Variants in MTDH observed in about 807,000 individuals in gnomAD.
MTDH encodes the protein protein LYRIC.
MTDH carries 34 observed loss-of-function variants against 72.7 expected under a neutral mutation model. The observed-to-expected ratio is 0.47, with a 90% confidence interval of 0.36 to 0.62. The LOEUF is 0.62. Among genes scored for constraint, MTDH ranks in the 20% least tolerant of loss-of-function variants. The pLI, the probability that MTDH is intolerant of heterozygous loss-of-function variation, is 0.00. For synonymous variants in MTDH, 266 were observed against 268.9 expected (o/e 0.99, Z 0.10); for missense variants, 677 against 699.4 (o/e 0.97, Z 0.36).
At chr8:97,673,492 C>T (rs1214787514) in intron 2 of MTDH, among the ~76,000 whole-genome samples, 3 of 152,106 alleles carry the variant, frequency 2.0e-5, no homozygotes, top group Admixed American at 6.6e-5. Context: ...AACCCTGTCT[C>T]TACTAAAAAT....
At position 97,699,759 on chromosome 8, in the gene MTDH, A is replaced by G. The variant is rs756601591; in HGVS notation, c.1054A>G (p.Thr352Ala). The G allele has an allele frequency of 5.6e-6, 9 of 1,605,846 alleles. No homozygotes were observed. The highest frequency in any genetic ancestry group is 2.2e-5 in the South Asian group (2 of 90,850). Residue 352 changes from threonine (T) to alanine (A), a missense_variant, in exon 7 of 12, where the codon ACT becomes GCT. Physicochemically the swap from Thr to Ala is moderately conservative, Grantham distance 58 (BLOSUM62 0). Coordinates refer to ENST00000336273, the MANE Select transcript of MTDH (RefSeq NM_178812.4). ...GCATTCGTTTTTCATTTAAGGGTCT[A>G]CTGCTGAGCCAGTTTCTCAGTCTAC... ...DRSIFSGIGS[T>A]AEPVSQSTTS...
intron 2 of MTDH, among the ~76,000 whole-genome samples, chr8:97,677,749 A>G (rs1812914876): frequency 6.6e-6 from 1 of 152,198 alleles, no homozygotes; most frequent in East Asian, 1.9e-4. Context: ...AAACTATTCT[A>G]ATTTAGCAAG....
chr8:97,729,510 C>T lies in MTDH; in HGVS notation c.*4840C>T, dbSNP rs948040386. Reference sequence around the variant, plus strand: ...GGATAATGGGCACCTCTAACAGTGTCTGTCAGAGTTGACATACATTGTGTA... The same window carrying T: ...GGATAATGGGCACCTCTAACAGTGTTTGTCAGAGTTGACATACATTGTGTA... On this transcript the variant is annotated 3_prime_UTR_variant, in exon 12 of 12. Coordinates refer to ENST00000336273, the MANE Select transcript of MTDH (RefSeq NM_178812.4). Among the ~76,000 whole-genome samples, 6 of 152,172 alleles carry T rather than the reference C, an allele frequency of 3.9e-5. No individual in the cohort carries two copies. Among genetic ancestry groups the T allele is most frequent in the Non-Finnish European group, 5.9e-5 (4 of 68,032 alleles).
At chr8:97,682,848 A>G (rs981122680) in intron 2 of MTDH, among the ~76,000 whole-genome samples, 22 of 151,830 alleles carry the variant, frequency 1.4e-4, no homozygotes, top group Admixed American at 5.9e-4. Flanking sequence ...GGTTAGTAGG[A>G]ATTTTTGTCC....
intron 1 of MTDH, among the ~76,000 whole-genome samples, chr8:97,652,699 C>T (rs1811820307): frequency 1.3e-5 from 2 of 152,146 alleles, no homozygotes; most frequent in South Asian, 4.1e-4. Context: ...ATAAATTTAT[C>T]TCTTAATATA....
intron 4 of MTDH, among the ~76,000 whole-genome samples, 169 bp from the exon 5 acceptor site, chr8:97,688,869 A>C (rs928052919): frequency 3.3e-5 from 5 of 152,234 alleles, no homozygotes; most frequent in African/African-American, 9.6e-5. Context: ...TTCCTTACCA[A>C]CAAGTGAAAT....
Position 97,719,170 on chromosome 8 carries a change from T to C in MTDH, c.1502T>C (p.Val501Ala), listed in dbSNP as rs1299882280. The C allele has an allele frequency of 1.2e-6, 2 of 1,611,590 alleles. No homozygotes were observed. The highest frequency in any genetic ancestry group is 4.5e-5 in the East Asian group (2 of 44,886). The change falls in exon 10 of 12, where the codon GTA becomes GCA. Residue 501 changes from valine to alanine, a missense_variant. Transcript: ENST00000336273. Reference protein sequence around the residue: ...KTISTSDPAEVLVKNSQPIKT... With the variant: ...KTISTSDPAEALVKNSQPIKT... The stretch of plus-strand genomic sequence containing the variant: ...ATAAGCACTAGTGATCCAGCCGAAG[T>C]ACTCGTCAAAAATAGCCAGGTAATT...
Position 97,644,483 on chromosome 8 carries a change from C to A in MTDH, c.-24C>A, listed in dbSNP as rs777502301. Reference sequence around the variant, plus strand: ...GTCTCCGCGCCCCGGCGTCATCCTGCGAGTCCCTCTGACGGGAGGGAAGAT... The same window carrying A: ...GTCTCCGCGCCCCGGCGTCATCCTGAGAGTCCCTCTGACGGGAGGGAAGAT... On this transcript the variant is annotated 5_prime_UTR_variant, in exon 1 of 12. Coordinates refer to ENST00000336273, the MANE Select transcript of MTDH (RefSeq NM_178812.4). The A allele has an allele frequency of 4.5e-6, 7 of 1,547,488 alleles. No homozygotes were observed. The South Asian group carries it at 8.3e-5, about 18-fold the overall frequency.
chr8:97,663,703 C>G (rs910212280), intron 2 of MTDH, among the ~76,000 whole-genome samples: 2 of 141,756 alleles, frequency 1.4e-5, no homozygotes, highest in Admixed American at 1.5e-4. Context: ...AAGTGGAGAT[C>G]GCGCCACTGC....
Position 97,690,934 on chromosome 8 carries a change from C to G in MTDH, c.812-18C>G, listed in dbSNP as rs1813580801. ...AGTCATGTACCTGTTTTTTAATATT[C>G]ATTTTCTTTTCTTTAAGTTTCTTCA... On this transcript the variant is annotated intron_variant, in intron 5 of 11. Transcript: ENST00000336273. 6.4e-7 allele frequency: 1 copy of G among 1,552,058 alleles called. No individual in the cohort carries two copies. Among genetic ancestry groups the G allele is most frequent in the Admixed American group, 1.9e-5 (1 of 53,486 alleles).
intron 1 of MTDH, among the ~76,000 whole-genome samples, chr8:97,645,989 T>C (rs1811550649): frequency 6.6e-6 from 1 of 152,148 alleles, no homozygotes; most frequent in Admixed American, 6.5e-5. Context: ...GGTATACACG[T>C]AGAGTCAGTG....
chr8:97,659,448 A>G (rs1269489291), intron 1 of MTDH, among the ~76,000 whole-genome samples: 2 of 152,244 alleles, frequency 1.3e-5, no homozygotes, highest in African/African-American at 2.4e-5. Flanking sequence ...ATTTGGGTTA[A>G]TTAGGAATTT....
chr8:97,693,435 G>C (rs1813700905), intron 6 of MTDH, among the ~76,000 whole-genome samples: 1 of 152,170 alleles, frequency 6.6e-6, no homozygotes. Context: ...TCAGGTTCAA[G>C]TGATTCTCCT....
chr8:97,690,965 G>T lies in MTDH; in HGVS notation c.825G>T (p.Leu275Phe). 1 of 1,608,900 alleles carries T rather than the reference G, an allele frequency of 6.2e-7. No homozygotes were observed. The highest frequency in any genetic ancestry group is 8.5e-7 in the Non-Finnish European group (1 of 1,177,878). The change falls in exon 6 of 12, where the codon TTG becomes TTT. Residue 275 changes from leucine to phenylalanine, a missense_variant. Physicochemically the swap from Leu to Phe is conservative, Grantham distance 22. Transcript: ENST00000336273. Reference sequence around the variant, plus strand: ...CTTTTCTTTAAGTTTCTTCAGGATTGAATGAAAACCTCACTGTCAATGGAG... The same window carrying T: ...CTTTTCTTTAAGTTTCTTCAGGATTTAATGAAAACCTCACTGTCAATGGAG... ...GDSTLQVSSGLNENLTVNGGG... is the reference protein window; with the variant it reads ...GDSTLQVSSGFNENLTVNGGG...
chr8:97,707,329 T>C (rs1814395183), intron 8 of MTDH, among the ~76,000 whole-genome samples: 2 of 151,852 alleles, frequency 1.3e-5, no homozygotes, highest in Admixed American at 1.3e-4. Context: ...TTTGTGTATT[T>C]AGTAGAGATG....
intron 7 of MTDH, among the ~76,000 whole-genome samples, chr8:97,701,679 G>A (rs11988480): frequency 0.038 from 5,718 of 152,236 alleles, 370 homozygotes; most frequent in African/African-American, 0.13. Context: ...AGTGACTATA[G>A]GAAAATAGCA....
At position 97,695,234 on chromosome 8, in the gene MTDH, C is replaced by G. The variant is rs143697800; in HGVS notation, c.1048+4046C>G. Among the ~76,000 whole-genome samples the G allele has an allele frequency of 9.2e-3, 1,404 of 151,978 alleles. 22 individuals carry two copies. Among genetic ancestry groups the G allele is most frequent in the African/African-American group, 0.032 (1,322 of 41,448 alleles). On this transcript the variant is annotated intron_variant, in intron 6 of 11. Coordinates refer to ENST00000336273, the MANE Select transcript of MTDH (RefSeq NM_178812.4). ...GTTCAAGCAATTCTCCTGCCTCAGC[C>G]TCCTGAGTAGCTGGGATTACAGGCA...
At chr8:97,654,855 T>A (rs1003654296) in intron 1 of MTDH, among the ~76,000 whole-genome samples, 1 of 152,062 alleles carries the variant, frequency 6.6e-6, no homozygotes, top group Non-Finnish European at 1.5e-5. Context: ...ATCTCAGCAT[T>A]TTAGGAGGCC....
chr8:97,708,401 C>T (rs1814459222), intron 8 of MTDH, among the ~76,000 whole-genome samples: 1 of 144,176 alleles, frequency 6.9e-6, no homozygotes, highest in Non-Finnish European at 1.5e-5. Flanking sequence ...CCCTCCTCAG[C>T]CTCCTGAGTA....
Sources: allele counts gnomAD v4.1 joint callset (sites outside exome capture counted in the v4.1 genomes callset), GRCh38; gene constraint gnomAD v4.1.1; transcripts MANE v1.5; gene names NCBI Gene and HGNC (gene_info 2026-07-23, HGNC 2026-07-21).